The following ARAP1 variants were observed in gnomAD, a reference collection of about 807,000 sequenced individuals.
ARAP1 encodes arf-GAP with Rho-GAP domain, ANK repeat and PH domain-containing protein 1.
Under a neutral mutation model 172.2 loss-of-function variants are expected in ARAP1, and 76 were observed. The observed-to-expected ratio is 0.44, with a 90% CI of 0.37 to 0.53. ARAP1 has a LOEUF of 0.53. Among genes scored for constraint, ARAP1 ranks in the 20% least tolerant of loss-of-function variants. ARAP1 has a pLI of 0.00. For missense variants in ARAP1, 1,686 were observed against 1,977.5 expected, an observed-to-expected ratio of 0.85 and a Z score of 2.80; for synonymous variants, 804 against 803.3, an observed-to-expected ratio of 1.00 and a Z score of -0.01.
chr11:72,687,507 A>G lies in ARAP1; in HGVS notation c.4122-5T>C, dbSNP rs371071373. 3.7e-6 allele frequency: 6 copies of G among 1,614,064 alleles called. No individual in the cohort carries two copies. Among genetic ancestry groups the G allele is most frequent in the Admixed American group, 3.3e-5 (2 of 60,008 alleles). On this transcript the variant is annotated splice_polypyrimidine_tract_variant and splice_region_variant and intron_variant, in intron 32 of 34. Coordinates refer to ENST00000393609, the MANE Select transcript of ARAP1 (RefSeq NM_001040118.3). Reference sequence around the variant, plus strand: ...TGTGTGTCACAGCAGAGGTACCTGCAGGGTTGGACGCGGACCCACATGATG... The same window carrying G: ...TGTGTGTCACAGCAGAGGTACCTGCGGGGTTGGACGCGGACCCACATGATG...
intron 1 of ARAP1, among the ~76,000 whole-genome samples, chr11:72,748,495 G>A (rs181743524): frequency 5.9e-5 from 9 of 151,790 alleles, no homozygotes; most frequent in Non-Finnish European, 1.2e-4. Flanking sequence ...ACTTGAGCCT[G>A]GGCTACAGAG....
intron 1 of ARAP1, among the ~76,000 whole-genome samples, chr11:72,745,022 T>A (rs555095859): frequency 1.3e-5 from 2 of 152,280 alleles, no homozygotes; most frequent in African/African-American, 4.8e-5. Flanking sequence ...CGGGAGCCGC[T>A]ACCCCAGAGC....
At chr11:72,697,775 C>T in intron 19 of ARAP1, 126 bp from the exon 20 acceptor site, 30 of 1,517,440 alleles carry the variant, frequency 2.0e-5, no homozygotes, top group Non-Finnish European at 2.6e-5. Context: ...CTGAGATGCA[C>T]CCCAAGGACA....
chr11:72,699,241 G>A lies in ARAP1; in HGVS notation c.2439-134C>T, dbSNP rs1776561543. ...TGTCCTTATTCTGGTCCCCTAAGAG[G>A]TGGTGGAAAAGTCTTGGGCTGGGGC... On this transcript the variant is annotated intron_variant, in intron 17 of 34. Transcript: ENST00000393609. This position sits in a 1 kb window ranked among gnomAD's most constrained non-coding sequence, Gnocchi z 4.2. 4 of 1,374,384 alleles carry A rather than the reference G, an allele frequency of 2.9e-6. No homozygotes were observed. The highest frequency in any genetic ancestry group is 1.3e-5 in the South Asian group (1 of 78,032). 85.1% of individuals were successfully genotyped at this position (1,374,384 alleles called of 1,614,324 possible).
chr11:72,717,073 G>A (rs1410253398), intron 3 of ARAP1, among the ~76,000 whole-genome samples: 1 of 152,152 alleles, frequency 6.6e-6, no homozygotes, highest in Non-Finnish European at 1.5e-5. Flanking sequence ...AAGGTGGGTG[G>A]ACAGGTGGGC....
intron 1 of ARAP1, among the ~76,000 whole-genome samples, chr11:72,745,769 T>G (rs1268043530): frequency 3.3e-5 from 5 of 151,974 alleles, no homozygotes; most frequent in Non-Finnish European, 7.4e-5. Flanking sequence ...GGGCCACACC[T>G]GGAATCTTGG....
chr11:72,688,168 A>G lies in ARAP1; in HGVS notation c.4070+287T>C, dbSNP rs73529650. ...CCAGTTAATTTTTGTATTTTTTTGT[A>G]GAGACAAGGTCTCGCCATGTTGCCC... On this transcript the variant is annotated intron_variant, in intron 31 of 34. Transcript: ENST00000393609. Among the ~76,000 whole-genome samples the G allele has an allele frequency of 9.8e-3, 1,485 of 152,060 alleles. 24 individuals carry two copies. The highest frequency in any genetic ancestry group is 0.035 in the African/African-American group (1,438 of 41,476).
chr11:72,748,181 G>C (rs1858426542), intron 1 of ARAP1, among the ~76,000 whole-genome samples: 1 of 152,200 alleles, frequency 6.6e-6, no homozygotes, highest in Non-Finnish European at 1.5e-5. Flanking sequence ...CACATAGTCA[G>C]CTTCCAAGAA....
Position 72,711,099 on chromosome 11 carries a change from G to A in ARAP1, c.1135C>T (p.His379Tyr), listed in dbSNP as rs1165258410. 2 of 1,614,216 alleles carry A rather than the reference G, an allele frequency of 1.2e-6. No homozygotes were observed. The highest frequency in any genetic ancestry group is 1.3e-5 in the African/African-American group (1 of 75,048). Residue 379 changes from histidine to tyrosine, a missense_variant, in exon 9 of 35, where the codon CAC becomes TAC. Transcript: ENST00000393609. ...KRFISVACIS[H>Y]VAAIGDQKFE... ...TTCTGGTCCCCGATGGCAGCCACGT[G>A]GGAGATGCAGGCCACAGAGATAAAG...
At chr11:72,703,977 C>T (rs1447032792) in intron 14 of ARAP1, 175 bp downstream of exon 14, 3 of 831,480 alleles carry the variant, frequency 3.6e-6, no homozygotes, top group Non-Finnish European at 5.5e-6. Context: ...CCCTGCATGG[C>T]CAGAACTTTT....
intron 1 of ARAP1, among the ~76,000 whole-genome samples, chr11:72,750,666 T>TC (rs1464591203): frequency 6.6e-6 from 1 of 152,178 alleles, no homozygotes; most frequent in Non-Finnish European, 1.5e-5. Context: ...GGCTGATCAC[T>TC]CCATCCTGCA....
chr11:72,730,222 A>T (rs896867347), intron 2 of ARAP1, among the ~76,000 whole-genome samples: 1 of 152,238 alleles, frequency 6.6e-6, no homozygotes, highest in South Asian at 2.1e-4. Flanking sequence ...ATTTACAAAA[A>T]GGAAAATATA....
intron 5 of ARAP1, 71 bp from the exon 6 acceptor site, chr11:72,712,639 G>A (rs368452722): frequency 7.9e-5 from 126 of 1,602,544 alleles, no homozygotes; most frequent in African/African-American, 1.1e-4. Flanking sequence ...GGGCTGCCAC[G>A]CCCCCTCTGT....
In ARAP1 at chr11:72,709,982, G is replaced by A. The variant is rs1478771402; in HGVS notation, c.1417-6C>T. 1.2e-6 allele frequency: 2 copies of A among 1,611,532 alleles called. No homozygotes were observed. Among genetic ancestry groups the A allele is most frequent in the Non-Finnish European group, 1.7e-6 (2 of 1,177,780 alleles). On this transcript the variant is annotated splice_polypyrimidine_tract_variant and splice_region_variant and intron_variant, in intron 10 of 34. Coordinates refer to ENST00000393609, the MANE Select transcript of ARAP1 (RefSeq NM_001040118.3). The stretch of plus-strand genomic sequence containing the variant: ...CCAATGCCCAGGTGGTACTCCTGGA[G>A]GGCAGATGGGACGGGATGAGGGCAA...
At chr11:72,704,035 C>G in intron 14 of ARAP1, 117 bp downstream of exon 14, 1 of 1,363,548 alleles carries the variant, frequency 7.3e-7, no homozygotes, top group Non-Finnish European at 1.0e-6. Context: ...TCAGTTTCCC[C>G]ATATGCCAAG....
In ARAP1 at chr11:72,697,137, C is replaced by T. The variant is rs1197759992; in HGVS notation, c.3012G>A (p.Leu1004=). ...GCGCATCCTGCCGCAGGCTCTCCAG[C>T]AGCCGCTGTGTCTTCGATGTCTGCC... The part of the protein sequence containing the change: ...KCGQTSKTQR[L]LESLRQDARS... The change falls in exon 22 of 35, where the codon CTG becomes CTA. Residue 1004 remains leucine, a synonymous_variant. Coordinates refer to ENST00000393609, the MANE Select transcript of ARAP1 (RefSeq NM_001040118.3). The T allele has an allele frequency of 1.9e-6, 3 of 1,606,074 alleles. No individual in the cohort carries two copies. The highest frequency in any genetic ancestry group is 2.5e-6 in the Non-Finnish European group (3 of 1,179,896).
intron 12 of ARAP1, among the ~76,000 whole-genome samples, chr11:72,706,507 T>C (rs1021374688): frequency 6.6e-6 from 1 of 152,130 alleles, no homozygotes; most frequent in East Asian, 1.9e-4. Flanking sequence ...CCAGAATGAG[T>C]GGCCTCGATT....
intron 1 of ARAP1, among the ~76,000 whole-genome samples, chr11:72,745,182 CTTTTTTTTTTTTTTTT>C (rs902550014): frequency 2.3e-5 from 2 of 88,312 alleles, no homozygotes; most frequent in Non-Finnish European, 4.2e-5. Context: ...AAGTTTCTTT[CTTTTTTTTTTTTTTTT>C]TTTTTTTTGA....
intron 3 of ARAP1, among the ~76,000 whole-genome samples, chr11:72,724,982 C>T (rs978927522): frequency 6.6e-6 from 1 of 152,150 alleles, no homozygotes; most frequent in Non-Finnish European, 1.5e-5. Context: ...CTTCCTCCTA[C>T]CCAGCAAGCC....
Sources: gnomAD v4.1 joint callset for allele counts (sites outside exome capture counted in the v4.1 genomes callset) on GRCh38, gnomAD v4.1.1 for gene constraint, Gnocchi (gnomAD v3.1) non-coding constraint, MANE v1.5 for transcripts, NCBI Gene and HGNC (gene_info 2026-07-23, HGNC 2026-07-21) for gene names.